The following LRP1B variants were observed in gnomAD, a reference collection of about 807,000 sequenced individuals.
LRP1B encodes the protein LDL receptor related protein 1B.
A neutral mutation model predicts 556.6 loss-of-function variants in LRP1B; 217 were observed. That is an observed-to-expected ratio of 0.39 (90% CI 0.35 to 0.44). The LOEUF is 0.44. Ranked by LOEUF, LRP1B falls within the 20% of genes least tolerant of loss-of-function variation. The pLI, the probability that LRP1B is intolerant of heterozygous loss-of-function variation, is 1.00. For missense variants in LRP1B, 5,053 were observed against 5,620.8 expected (o/e 0.90, Z 3.23); for synonymous variants, 2,047 against 1,865.8 (o/e 1.10, Z -2.50).
At chr2:140,702,323 A>C (rs1237408127) in intron 38 of LRP1B, 31 bp from the exon 39 acceptor site, 2 of 1,609,838 alleles carry the variant, frequency 1.2e-6, no homozygotes, top group Non-Finnish European at 1.7e-6. Context: ...AACGTTACAG[A>C]CTATATTTGA....
At chr2:141,030,877 GTCA>G (rs1268126384) in intron 11 of LRP1B, among the ~76,000 whole-genome samples, 1 of 151,956 alleles carries the variant, frequency 6.6e-6, no homozygotes, top group East Asian at 1.9e-4. Flanking sequence ...ATCTGAGGTA[GTCA>G]TCACTCATTT....
At chr2:141,908,030 C>T (rs1435292700) in intron 1 of LRP1B, among the ~76,000 whole-genome samples, 1 of 151,968 alleles carries the variant, frequency 6.6e-6, no homozygotes, top group African/African-American at 2.4e-5. Context: ...AAACTGTAAA[C>T]TGAATTTTAA....
At chr2:140,565,924 AC>A (rs1323977487) in intron 43 of LRP1B, among the ~76,000 whole-genome samples, 1 of 151,884 alleles carries the variant, frequency 6.6e-6, no homozygotes, top group Non-Finnish European at 1.5e-5. Context: ...ACCACTGGGG[AC>A]CCCCGCAGTC....
At chr2:142,048,803 T>C (rs1704346307) in intron 1 of LRP1B, among the ~76,000 whole-genome samples, 1 of 152,108 alleles carries the variant, frequency 6.6e-6, no homozygotes, top group South Asian at 2.1e-4. Context: ...GAAAATTGCA[T>C]ACTTAAAAGA....
intron 6 of LRP1B, among the ~76,000 whole-genome samples, chr2:141,205,958 G>GAGTTTCTGAAATCACTTGAGA (rs1682257946): frequency 6.6e-6 from 1 of 152,174 alleles, no homozygotes; most frequent in African/African-American, 2.4e-5. Context: ...AATACTTGAG[G>GAGTTTCTGAAATCACTTGAGA]AGTTTCTGAA....
At chr2:140,374,046 T>C (rs1483751526) in intron 68 of LRP1B, among the ~76,000 whole-genome samples, 1 of 152,186 alleles carries the variant, frequency 6.6e-6, no homozygotes, top group Admixed American at 6.6e-5. Flanking sequence ...TGAAATGAAC[T>C]GTCAAAATTT....
rs1680170218 is a variant in LRP1B, at chr2:140,322,103, GAAAAC to G, written c.12515-20_12515-16del. Reference sequence around the variant, plus strand: ...TGGATTGGGTACTGGTGAAACAAAAGAAAACAAAGAAGTGTGTAAATATAGATACA... The same window carrying G: ...TGGATTGGGTACTGGTGAAACAAAAGAAAGAAGTGTGTAAATATAGATACA... On this transcript the variant is annotated splice_polypyrimidine_tract_variant and intron_variant, in intron 81 of 90. Coordinates refer to ENST00000389484, the MANE Select transcript of LRP1B (RefSeq NM_018557.3). 3.1e-6 allele frequency: 5 copies of G among 1,607,156 alleles called. No homozygotes were observed. The highest frequency in any genetic ancestry group is 4.2e-6 in the Non-Finnish European group (5 of 1,177,200).
chr2:141,903,904 A>C (rs1383916737), intron 1 of LRP1B, among the ~76,000 whole-genome samples: 1 of 151,928 alleles, frequency 6.6e-6, no homozygotes, highest in Non-Finnish European at 1.5e-5. Flanking sequence ...TTCAAGTTTC[A>C]TCATGGAAGA....
chr2:141,909,453 A>G (rs1186714488), intron 1 of LRP1B, among the ~76,000 whole-genome samples: 1 of 151,484 alleles, frequency 6.6e-6, no homozygotes, highest in Non-Finnish European at 1.5e-5. Context: ...AAACTACCAC[A>G]ATAATCTCAT....
chr2:140,460,178 C>A (rs1180085837), intron 60 of LRP1B, among the ~76,000 whole-genome samples: 2 of 152,122 alleles, frequency 1.3e-5, no homozygotes, highest in African/African-American at 4.8e-5. Context: ...GTATTTGAAT[C>A]TTAGCTCTCT....
chr2:140,969,594 A>G (rs1007584954), intron 18 of LRP1B, among the ~76,000 whole-genome samples: 2 of 152,150 alleles, frequency 1.3e-5, no homozygotes, highest in Admixed American at 1.3e-4. Context: ...TTTGCTCGTC[A>G]GTTGATGCAG....
chr2:141,915,409 A>T (rs1356728633), intron 1 of LRP1B, among the ~76,000 whole-genome samples: 4 of 152,126 alleles, frequency 2.6e-5, no homozygotes, highest in Non-Finnish European at 4.4e-5. Context: ...CAAAAATTGT[A>T]TATGGTGAAC....
chr2:141,527,438 T>A (rs892811016), intron 2 of LRP1B, among the ~76,000 whole-genome samples: 2 of 151,992 alleles, frequency 1.3e-5, no homozygotes, highest in Non-Finnish European at 2.9e-5. Flanking sequence ...CCAATTCTAG[T>A]CACAACCAGG....
intron 41 of LRP1B, among the ~76,000 whole-genome samples, chr2:140,640,724 A>G (rs567799597): frequency 6.6e-6 from 1 of 151,984 alleles, no homozygotes; most frequent in East Asian, 1.9e-4. Context: ...ACCTATAACC[A>G]TCTGATTAAT....
chr2:141,704,310 T>C (rs1487028654), intron 2 of LRP1B, among the ~76,000 whole-genome samples: 1 of 151,996 alleles, frequency 6.6e-6, no homozygotes, highest in Non-Finnish European at 1.5e-5. Context: ...AAATGCTTTA[T>C]TAAGCAGAAC....
At chr2:141,919,221 A>G (rs776989944) in intron 1 of LRP1B, among the ~76,000 whole-genome samples, 2 of 152,128 alleles carry the variant, frequency 1.3e-5, no homozygotes, top group Non-Finnish European at 2.9e-5. Flanking sequence ...ATAAAGAGAA[A>G]TAGAGATGGC....
intron 3 of LRP1B, among the ~76,000 whole-genome samples, chr2:141,435,371 C>A (rs1680725664): frequency 6.8e-6 from 1 of 147,104 alleles, no homozygotes; most frequent in Non-Finnish European, 1.5e-5. Context: ...GTTATCATGG[C>A]TATCTCTATT....
At chr2:140,784,112 G>A (rs1234746053) in intron 32 of LRP1B, among the ~76,000 whole-genome samples, 1 of 152,178 alleles carries the variant, frequency 6.6e-6, no homozygotes, top group East Asian at 1.9e-4. Flanking sequence ...AAATGTCTGG[G>A]TGCCACCCCT....
At chr2:140,854,812 A>T (rs1222225027) in intron 27 of LRP1B, among the ~76,000 whole-genome samples, 2 of 152,218 alleles carry the variant, frequency 1.3e-5, no homozygotes, top group Admixed American at 6.5e-5. Context: ...ATAATTAGAT[A>T]GTAAGTAGCT....
Sources: gnomAD v4.1 joint callset for allele counts (sites outside exome capture counted in the v4.1 genomes callset) on GRCh38, gnomAD v4.1.1 for gene constraint, MANE v1.5 for transcripts, NCBI Gene and HGNC (gene_info 2026-07-23, HGNC 2026-07-21) for gene names.